BACE2: variants seen among roughly 807,000 people sequenced by gnomAD.
BACE2 encodes beta-secretase 2.
Under a neutral mutation model 46.2 loss-of-function variants are expected in BACE2, and 17 were observed. The ratio of observed to expected loss-of-function variants is 0.37; its 90% confidence interval spans 0.25 to 0.55. The LOEUF (loss-of-function observed/expected upper bound fraction) is 0.55, where lower values mean the gene tolerates loss of function less well. Ranked by LOEUF, BACE2 falls within the 20% of genes least tolerant of loss-of-function variation. BACE2 has a pLI of 0.82. For synonymous variants in BACE2, 277 were observed against 295.9 expected, an observed-to-expected ratio of 0.94 and a Z score of 0.66; for missense variants, 595 against 698.1, an observed-to-expected ratio of 0.85 and a Z score of 1.66.
chr21:41,247,949 T>C lies in BACE2; in HGVS notation c.984+1886T>C, dbSNP rs189704047. 1.5e-3 allele frequency among the ~76,000 whole-genome samples: 222 copies of C among 152,320 alleles called. 1 individual carries two copies. Among genetic ancestry groups the C allele is most frequent in the Non-Finnish European group, 2.4e-3 (164 of 68,022 alleles). ...TAAGCCAAACCTCTTGGCGTGGGTTTCCTTCTGGTTAAGGGGAGGGCTGGC... is the reference window on the plus strand; with the variant it reads ...TAAGCCAAACCTCTTGGCGTGGGTTCCCTTCTGGTTAAGGGGAGGGCTGGC... On this transcript the variant is annotated intron_variant, in intron 6 of 8. Coordinates refer to ENST00000330333, the MANE Select transcript of BACE2 (RefSeq NM_012105.5).
chr21:41,230,638 T>C (rs556968537), intron 2 of BACE2, among the ~76,000 whole-genome samples: 13 of 152,342 alleles, frequency 8.5e-5, no homozygotes, highest in African/African-American at 2.9e-4. Context: ...CCTCAGTCTT[T>C]GGATATTCAG....
At chr21:41,192,486 T>C (rs1349320772) in intron 1 of BACE2, among the ~76,000 whole-genome samples, 3 of 152,184 alleles carry the variant, frequency 2.0e-5, no homozygotes, top group Non-Finnish European at 4.4e-5. Context: ...GCATGGTGAC[T>C]TGAAACATTC....
chr21:41,237,631 C>T lies in BACE2; in HGVS notation c.520C>T (p.Leu174Phe). 6.2e-7 allele frequency: 1 copy of T among 1,614,200 alleles called. No homozygotes were observed. Among genetic ancestry groups the T allele is most frequent in the Non-Finnish European group, 8.5e-7 (1 of 1,180,026 alleles). ...CCCCAAAGGCTTCAATACTTCTTTT[C>T]TTGTCAACATTGCCACTATTTTTGA... ...TIPKGFNTSF[L>F]VNIATIFESE... is the part of the protein sequence containing the mutation. The change falls in exon 3 of 9, where the codon CTT becomes TTT. Residue 174 changes from leucine (L) to phenylalanine (F), a missense_variant. Physicochemically the swap from Leu to Phe is conservative, Grantham distance 22. Around this residue, in one of 3 missense-constraint regions of BACE2, gnomAD observed 248 missense variants for 261.4 expected, o/e 0.95. Coordinates refer to ENST00000330333, the MANE Select transcript of BACE2 (RefSeq NM_012105.5).
intron 1 of BACE2, 32 bp from the exon 2 acceptor site, chr21:41,226,230 GCTTT>G: frequency 6.6e-7 from 1 of 1,525,186 alleles, no homozygotes; most frequent in African/African-American, 1.4e-5. Context: ...ATAACTTGAT[GCTTT>G]CTATTTTTTT....
rs904421906 is a variant in BACE2, at chr21:41,277,034, G to A, written c.*1410G>A. 3 of 151,892 alleles carry A rather than the reference G, an allele frequency of 2.0e-5. No homozygotes were observed. The highest frequency in any genetic ancestry group is 4.8e-5 in the African/African-American group (2 of 41,330). The allele number at this position is 151,892 out of a possible 1,614,324, so 9.4% of individuals were successfully genotyped here. ...TCATTAGGAGAAGAGTTAAAAGACA[G>A]TATCCCCTCTCTCCTGCTTGTGTGC... On this transcript the variant is annotated 3_prime_UTR_variant, in exon 9 of 9. Coordinates refer to ENST00000330333, the MANE Select transcript of BACE2 (RefSeq NM_012105.5).
At chr21:41,260,094 C>T (rs1485010418) in intron 8 of BACE2, among the ~76,000 whole-genome samples, 2 of 150,860 alleles carry the variant, frequency 1.3e-5, no homozygotes, top group Non-Finnish European at 3.0e-5. Flanking sequence ...CCGCCGTGGC[C>T]TCCCAAAGTG....
At position 41,232,063 on chromosome 21, in the gene BACE2, A is replaced by G. The variant is rs372297675; in HGVS notation, c.402-5450A>G. On this transcript the variant is annotated intron_variant, in intron 2 of 8. Coordinates refer to ENST00000330333, the MANE Select transcript of BACE2 (RefSeq NM_012105.5). The stretch of plus-strand genomic sequence containing the variant: ...AACATTATCTAGGACTGTGCTTTCT[A>G]CAAGGCTAGCCACAAGTCACATGTG... Among the ~76,000 whole-genome samples the G allele has an allele frequency of 2.7e-5, 4 of 150,232 alleles. No individual in the cohort carries two copies. In the South Asian group the frequency reaches 8.4e-4, roughly 32 times the overall value.
intron 1 of BACE2, chr21:41,182,089 A>G (rs1204852861): frequency 6.0e-6 from 1 of 167,098 alleles, no homozygotes; most frequent in Admixed American, 6.5e-5. Context: ...GAAAGGAAGT[A>G]CTACAGTCAG....
At chr21:41,226,126 C>A in intron 1 of BACE2, 140 bp from the exon 2 acceptor site, 1 of 649,052 alleles carries the variant, frequency 1.5e-6, no homozygotes, top group Non-Finnish European at 2.7e-6. Flanking sequence ...TTTTTCTATT[C>A]TCCTCGTCAG....
At chr21:41,217,921 A>G (rs1986524791) in intron 1 of BACE2, among the ~76,000 whole-genome samples, 2 of 152,196 alleles carry the variant, frequency 1.3e-5, no homozygotes. Context: ...GGGAGAGACA[A>G]GAAGGGCCCT....
intron 2 of BACE2, among the ~76,000 whole-genome samples, chr21:41,232,485 T>C (rs1031465634): frequency 2.0e-5 from 3 of 152,140 alleles, no homozygotes; most frequent in African/African-American, 2.4e-5. Flanking sequence ...CATGTTGAAA[T>C]GTGATTCCCA....
rs1020058475 is a variant in BACE2 at position 41,280,480 on chromosome 21, G to A, written c.*4856G>A. 8.5e-5 allele frequency: 13 copies of A among 152,398 alleles called. No homozygotes were observed. The highest frequency in any genetic ancestry group is 2.7e-4 in the African/African-American group (11 of 41,468). 9.4% of individuals were successfully genotyped at this position (152,398 alleles called of 1,614,324 possible). Reference sequence around the variant, plus strand: ...CTGCTCCCCAGGCTCCACGTCCCCGGAAGGTCCATCTTGTCCTGGAGCACA... The same window carrying A: ...CTGCTCCCCAGGCTCCACGTCCCCGAAAGGTCCATCTTGTCCTGGAGCACA... On this transcript the variant is annotated 3_prime_UTR_variant, in exon 9 of 9. Transcript: ENST00000330333.
intron 6 of BACE2, among the ~76,000 whole-genome samples, chr21:41,247,145 C>G (rs1309144765): frequency 6.6e-6 from 1 of 152,082 alleles, no homozygotes; most frequent in Non-Finnish European, 1.5e-5. Flanking sequence ...GATAGGAGCA[C>G]GTATGGTGGG....
At chr21:41,230,274 A>G (rs1458515005) in intron 2 of BACE2, 2 of 152,222 alleles carry the variant, frequency 1.3e-5, no homozygotes, top group Non-Finnish European at 2.9e-5. Context: ...TGCTTTGCAG[A>G]TTAAATTCTT....
chr21:41,251,192 G>A (rs1987626459), intron 7 of BACE2, among the ~76,000 whole-genome samples: 1 of 152,186 alleles, frequency 6.6e-6, no homozygotes, highest in South Asian at 2.1e-4. Flanking sequence ...GTGGATGGAG[G>A]AACAGAGCCA....
chr21:41,270,465 A>G (rs1568894867), intron 8 of BACE2, among the ~76,000 whole-genome samples: 1 of 152,182 alleles, frequency 6.6e-6, no homozygotes, highest in East Asian at 1.9e-4. Context: ...TCACCAGACT[A>G]GAGTACAGTA....
In BACE2 at chr21:41,241,951, G is replaced by T; in HGVS notation, c.747+4G>T. 2 of 1,613,992 alleles carry T rather than the reference G, an allele frequency of 1.2e-6. No individual in the cohort carries two copies. Among genetic ancestry groups the T allele is most frequent in the Non-Finnish European group, 8.5e-7 (1 of 1,179,992 alleles). On this transcript the variant is annotated splice_donor_region_variant and intron_variant, in intron 4 of 8. Transcript: ENST00000330333. ...TGGGACCAACGGAGGTAGTCTTGTG[G>T]GTATCTTTTAGTCTTAAAGGGGCGA...
At chr21:41,267,373 G>T (rs543529017) in intron 8 of BACE2, among the ~76,000 whole-genome samples, 1 of 152,098 alleles carries the variant, frequency 6.6e-6, no homozygotes, top group Non-Finnish European at 1.5e-5. Flanking sequence ...AGTGTCCTAC[G>T]GCTACGAAAA....
At chr21:41,196,454 C>G (rs905320997) in intron 1 of BACE2, among the ~76,000 whole-genome samples, 4 of 152,120 alleles carry the variant, frequency 2.6e-5, no homozygotes, top group Non-Finnish European at 4.4e-5. Flanking sequence ...AGAAATAACC[C>G]ACGTGTGCCT....
Sources: allele counts gnomAD v4.1 joint callset (sites outside exome capture counted in the v4.1 genomes callset), GRCh38; gene constraint gnomAD v4.1.1; regional missense constraint gnomAD v4.1.1; transcripts MANE v1.5; gene names NCBI Gene and HGNC (gene_info 2026-07-23, HGNC 2026-07-21).